Variants in SMIM18 observed in about 807,000 individuals in gnomAD.
SMIM18 encodes small integral membrane protein 18.
SMIM18 carries 4 observed loss-of-function variants against 5.9 expected under a neutral mutation model. The observed-to-expected ratio is 0.68, with a 90% confidence interval of 0.33 to 1.56. The LOEUF is 1.56. Among genes scored for constraint, SMIM18 ranks in the 40% most tolerant of loss-of-function variants. The pLI, the probability that SMIM18 is intolerant of heterozygous loss-of-function variation, is 0.06. For synonymous variants in SMIM18, 37 were observed against 37.4 expected (o/e 0.99, Z 0.04); for missense variants, 89 against 109.7 (o/e 0.81, Z 0.84).
At chr8:30,641,315 G>T (rs1310142880) in intron 1 of SMIM18, among the ~76,000 whole-genome samples, 3 of 152,132 alleles carry the variant, frequency 2.0e-5, no homozygotes, top group Non-Finnish European at 2.9e-5. Context: ...AGTGCCTTTG[G>T]AGGTGGCCTA....
chr8:30,638,739 C>T (rs1039446310), intron 1 of SMIM18, 100 bp downstream of exon 1: 3 of 152,462 alleles, frequency 2.0e-5, no homozygotes, highest in Non-Finnish European at 4.4e-5. Context: ...TTTGCTCCTA[C>T]TAAATATCAA....
At chr8:30,644,758 T>G (rs998536216) in intron 2 of SMIM18, among the ~76,000 whole-genome samples, 186 bp downstream of exon 2, 2 of 152,030 alleles carry the variant, frequency 1.3e-5, no homozygotes, top group African/African-American at 2.4e-5. Context: ...GAATTTTTTT[T>G]TTTTTTTTTG....
In SMIM18 at chr8:30,642,348, A is replaced by G. The variant is rs1379131025; in HGVS notation, c.-110-2144A>G. Among the ~76,000 whole-genome samples the G allele has an allele frequency of 1.8e-4, 27 of 151,826 alleles. No homozygotes were observed. The East Asian group carries it at 5.2e-3, about 29-fold the overall frequency. On this transcript the variant is annotated intron_variant, in intron 1 of 2. Coordinates refer to ENST00000517349, the MANE Select transcript of SMIM18 (RefSeq NM_001206847.2). ...AAGAATGGTTACTCCATACTACTCCATAAGCAGGAATAAAAGAATGGTTAC... is the reference window on the plus strand; with the variant it reads ...AAGAATGGTTACTCCATACTACTCCGTAAGCAGGAATAAAAGAATGGTTAC...
intron 2 of SMIM18, 57 bp downstream of exon 2, chr8:30,644,629 C>G (rs896806277): frequency 1.3e-5 from 2 of 152,170 alleles, no homozygotes; most frequent in African/African-American, 4.8e-5. Flanking sequence ...GTTTGAAGAA[C>G]ATAACCTTAA....
chr8:30,639,470 C>G (rs182804921), intron 1 of SMIM18, among the ~76,000 whole-genome samples: 5 of 152,104 alleles, frequency 3.3e-5, no homozygotes, highest in Admixed American at 6.6e-5. Flanking sequence ...CAAAGTAAGT[C>G]CTTTTGATAA....
chr8:30,645,698 CTG>C lies in SMIM18; in HGVS notation c.*102_*103del. ...ACTGTTGCTACAAAACAAATTCTGA[CTG>C]AATGGTTAAAACATTTCTAGTAGAA... On this transcript the variant is annotated 3_prime_UTR_variant, in exon 3 of 3. Transcript: ENST00000517349. 2 of 1,193,222 alleles carry C rather than the reference CTG, an allele frequency of 1.7e-6. No homozygotes were observed. Among genetic ancestry groups the C allele is most frequent in the South Asian group, 3.2e-5 (2 of 61,640 alleles). 73.9% of individuals were successfully genotyped at this position (1,193,222 alleles called of 1,614,324 possible).
Position 30,645,446 on chromosome 8 carries a change from T to C in SMIM18, c.137T>C (p.Val46Ala). 1 of 1,535,654 alleles carries C rather than the reference T, an allele frequency of 6.5e-7. No homozygotes were observed. The stretch of plus-strand genomic sequence containing the variant: ...ATCCTGCTTTTATTTATATTTACAG[T>C]GGTATCTTTAGTGGTGCTGGCTTTC... ...FVILLLFIFT[V>A]VSLVVLAFLY... is the part of the protein sequence containing the mutation. Residue 46 changes from valine (V) to alanine (A), a missense_variant, in exon 3 of 3, where the codon GTG becomes GCG. Val to Ala is a moderately conservative substitution (Grantham distance 64). Transcript: ENST00000517349.
At position 30,645,406 on chromosome 8, in the gene SMIM18, A is replaced by C; in HGVS notation, c.97A>C (p.Thr33Pro). The change falls in exon 3 of 3, where the codon ACT becomes CCT. Residue 33 changes from threonine (T) to proline (P), a missense_variant. Physicochemically the swap from Thr to Pro is conservative, Grantham distance 38 (BLOSUM62 -1). Coordinates refer to ENST00000517349, the MANE Select transcript of SMIM18 (RefSeq NM_001206847.2). Reference protein sequence around the residue: ...KIYPFHDNWNTACFVILLLFI... With the variant: ...KIYPFHDNWNPACFVILLLFI... ...TTACCCTTTCCATGACAACTGGAACACTGCCTGCTTTGTCATCCTGCTTTT... is the reference window on the plus strand; with the variant it reads ...TTACCCTTTCCATGACAACTGGAACCCTGCCTGCTTTGTCATCCTGCTTTT... 6.5e-7 allele frequency: 1 copy of C among 1,535,702 alleles called. No individual in the cohort carries two copies.
At chr8:30,639,688 T>A (rs924020799) in intron 1 of SMIM18, among the ~76,000 whole-genome samples, 3 of 152,170 alleles carry the variant, frequency 2.0e-5, no homozygotes, top group African/African-American at 7.2e-5. Context: ...ACTCCATCTA[T>A]ATACTATATC....
Position 30,645,680 on chromosome 8 carries a change from C to G in SMIM18, c.*83C>G, listed in dbSNP as rs556180850. On this transcript the variant is annotated 3_prime_UTR_variant, in exon 3 of 3. Transcript: ENST00000517349. Reference sequence around the variant, plus strand: ...AAATATATTCTGAGGCCAACTGTTGCTACAAAACAAATTCTGACTGAATGG... The same window carrying G: ...AAATATATTCTGAGGCCAACTGTTGGTACAAAACAAATTCTGACTGAATGG... 8.4e-6 allele frequency: 11 copies of G among 1,315,540 alleles called. No individual in the cohort carries two copies. The highest frequency in any genetic ancestry group is 1.0e-5 in the Non-Finnish European group (10 of 985,796). The allele number at this position is 1,315,540 out of a possible 1,614,324, so 81.5% of individuals were successfully genotyped here.
chr8:30,642,199 G>A (rs1235787034), intron 1 of SMIM18, among the ~76,000 whole-genome samples: 1 of 151,008 alleles, frequency 6.6e-6, no homozygotes, highest in Non-Finnish European at 1.5e-5. Context: ...GTATTACAGT[G>A]CATTAAATAA....
rs1198206176 is a variant in SMIM18 at position 30,645,454 on chromosome 8, T to A, written c.145T>A (p.Leu49Ile). Reference protein sequence around the residue: ...LLLFIFTVVSLVVLAFLYEVL... With the variant: ...LLLFIFTVVSIVVLAFLYEVL... The stretch of plus-strand genomic sequence containing the variant: ...TTTATTTATATTTACAGTGGTATCT[T>A]TAGTGGTGCTGGCTTTCCTTTATGA... The change falls in exon 3 of 3, where the codon TTA becomes ATA. Residue 49 changes from leucine to isoleucine, a missense_variant. By Grantham distance (5) the Leu-to-Ile change is conservative. Coordinates refer to ENST00000517349, the MANE Select transcript of SMIM18 (RefSeq NM_001206847.2). The A allele has an allele frequency of 6.5e-7, 1 of 1,535,704 alleles. No individual in the cohort carries two copies. Among genetic ancestry groups the A allele is most frequent in the Non-Finnish European group, 8.7e-7 (1 of 1,146,902 alleles).
intron 1 of SMIM18, 129 bp downstream of exon 1, chr8:30,638,768 T>C (rs565787308): frequency 1.3e-5 from 2 of 152,514 alleles, no homozygotes; most frequent in South Asian, 4.1e-4. Context: ...AATGTATTCG[T>C]TTCACCGCTT....
rs1801989066 is a variant in SMIM18 at position 30,644,517 on chromosome 8, G to C, written c.-85G>C. The stretch of plus-strand genomic sequence containing the variant: ...CCACTATTTCTGATTCAGATCACCT[G>C]TCATCGAAGTTTAAAGAAGGGGAAA... On this transcript the variant is annotated 5_prime_UTR_variant, in exon 2 of 3. Transcript: ENST00000517349. The C allele has an allele frequency of 2.0e-5, 3 of 152,064 alleles. No individual in the cohort carries two copies. Among genetic ancestry groups the C allele is most frequent in the African/African-American group, 4.8e-5 (2 of 41,376 alleles). The allele number at this position is 152,064 out of a possible 1,614,324, so 9.4% of individuals were successfully genotyped here. A position where few individuals can be genotyped will look rare whatever the true frequency, so the allele number is the denominator to read the frequency against.
chr8:30,638,913 A>G (rs909341573), intron 1 of SMIM18, among the ~76,000 whole-genome samples: 1 of 152,146 alleles, frequency 6.6e-6, no homozygotes, highest in Admixed American at 6.5e-5. Context: ...AGTAAACCAT[A>G]GCTTTTTATT....
intron 1 of SMIM18, among the ~76,000 whole-genome samples, chr8:30,640,727 C>T (rs1247210552): frequency 1.3e-5 from 2 of 152,086 alleles, no homozygotes; most frequent in East Asian, 1.9e-4. Flanking sequence ...GGCGGGGGGA[C>T]GGAGTCTCAC....
chr8:30,639,806 C>T (rs937813645), intron 1 of SMIM18, among the ~76,000 whole-genome samples: 13 of 150,216 alleles, frequency 8.7e-5, no homozygotes, highest in Non-Finnish European at 1.5e-4. Flanking sequence ...TTTTCTTAGT[C>T]GGCATTCAGC....
Position 30,645,640 on chromosome 8 carries a change from C to G in SMIM18, c.*43C>G. On this transcript the variant is annotated 3_prime_UTR_variant, in exon 3 of 3. Coordinates refer to ENST00000517349, the MANE Select transcript of SMIM18 (RefSeq NM_001206847.2). ...ACAAAATCTCTGAAAGCAGCTCAAC[C>G]TCTTCTGAGAAAAAAAATATATTCT... The G allele has an allele frequency of 6.7e-7, 1 of 1,484,244 alleles. No homozygotes were observed. Among genetic ancestry groups the G allele is most frequent in the Non-Finnish European group, 8.9e-7 (1 of 1,118,904 alleles). The allele number at this position is 1,484,244 out of a possible 1,614,324, so 91.9% of individuals were successfully genotyped here.
At chr8:30,643,522 G>A (rs1801933014) in intron 1 of SMIM18, 1 of 152,136 alleles carries the variant, frequency 6.6e-6, no homozygotes, top group African/African-American at 2.4e-5. Flanking sequence ...CAGGTGTGGT[G>A]GCACATGCCT....
Sources: allele counts gnomAD v4.1 joint callset (sites outside exome capture counted in the v4.1 genomes callset), GRCh38; gene constraint gnomAD v4.1.1; transcripts MANE v1.5; gene names NCBI Gene and HGNC (gene_info 2026-07-23, HGNC 2026-07-21).